Variants in RIGI observed in about 807,000 individuals in gnomAD.
RIGI encodes the protein RNA sensor RIG-I, also known as antiviral innate immune response receptor RIG-I.
chr9:32,467,808 G>T, the RIGI span: 1 of 1,608,732 alleles, frequency 6.2e-7, no homozygotes, highest in Non-Finnish European at 8.5e-7. Flanking sequence ...ACTCATAAAG[G>T]ATGACAAGAT....
At chr9:32,500,606 A>C in the RIGI span, among the ~76,000 whole-genome samples, 1 of 152,206 alleles carries the variant, frequency 6.6e-6, no homozygotes, top group African/African-American at 2.4e-5. Context: ...TAGTGACAAT[A>C]ATCTCTCTGC....
the RIGI span, among the ~76,000 whole-genome samples, chr9:32,515,919 T>C: frequency 1.3e-5 from 2 of 152,210 alleles, no homozygotes; most frequent in African/African-American, 2.4e-5. Flanking sequence ...TTTCCTCCTC[T>C]GCTCATCTCT....
At chr9:32,481,572 C>G in the RIGI span, 14 of 1,076,604 alleles carry the variant, frequency 1.3e-5, no homozygotes, top group Non-Finnish European at 1.8e-5. Flanking sequence ...AGGCCTCACC[C>G]TCTAATTTTC....
the RIGI span, among the ~76,000 whole-genome samples, chr9:32,462,634 C>T: frequency 6.6e-6 from 1 of 151,946 alleles, no homozygotes; most frequent in Admixed American, 6.5e-5. Flanking sequence ...GTCTTGAACT[C>T]CTGACCTCAG....
At chr9:32,478,041 G>GTTTTTTTTTTTTTTTTTTTTT in the RIGI span, among the ~76,000 whole-genome samples, 2 of 151,364 alleles carry the variant, frequency 1.3e-5, no homozygotes, top group African/African-American at 4.9e-5. Context: ...TGTTTTATCG[G>GTTTTTTTTTTTTTTTTTTTTT]TTTTTGTTTT....
At chr9:32,480,578 T>C in the RIGI span, among the ~76,000 whole-genome samples, 1 of 152,230 alleles carries the variant, frequency 6.6e-6, no homozygotes, top group Admixed American at 6.5e-5. Flanking sequence ...ACATTAATTA[T>C]CATCACTTTG....
At chr9:32,494,903 A>C in the RIGI span, among the ~76,000 whole-genome samples, 8 of 151,794 alleles carry the variant, frequency 5.3e-5, no homozygotes, top group African/African-American at 1.9e-4. Flanking sequence ...TGTATATCAC[A>C]TTTTGTTGAT....
At chr9:32,512,469 A>G in the RIGI span, among the ~76,000 whole-genome samples, 12 of 152,228 alleles carry the variant, frequency 7.9e-5, no homozygotes, top group Non-Finnish European at 1.3e-4. Context: ...GACAAAAACC[A>G]CATGATTATC....
chr9:32,509,954 T>C, the RIGI span, among the ~76,000 whole-genome samples: 2 of 151,344 alleles, frequency 1.3e-5, no homozygotes. Flanking sequence ...CAACTATCAA[T>C]AGCTGAATCA....
chr9:32,488,065 G>A, the RIGI span: 3 of 1,614,088 alleles, frequency 1.9e-6, no homozygotes, highest in South Asian at 2.2e-5. Context: ...AAGTAAAGAT[G>A]GATAGTGATG....
the RIGI span, among the ~76,000 whole-genome samples, chr9:32,484,992 AAAAGG>A: frequency 1.3e-5 from 2 of 152,338 alleles, no homozygotes; most frequent in East Asian, 3.9e-4. Flanking sequence ...TAAAAGGAAA[AAAAGG>A]AAGAAAGAAA....
At chr9:32,525,149 T>C in the RIGI span, among the ~76,000 whole-genome samples, 6 of 152,190 alleles carry the variant, frequency 3.9e-5, no homozygotes, top group South Asian at 2.1e-4. Context: ...GCTATCTCTT[T>C]TGCCTAATAA....
chr9:32,517,110 T>C, the RIGI span, among the ~76,000 whole-genome samples: 1 of 152,230 alleles, frequency 6.6e-6, no homozygotes, highest in African/African-American at 2.4e-5. Context: ...GCCGCTGTTT[T>C]AAGCAGGGTT....
chr9:32,492,950 T>C, the RIGI span, among the ~76,000 whole-genome samples: 5 of 152,326 alleles, frequency 3.3e-5, no homozygotes, highest in African/African-American at 1.2e-4. Context: ...CCATAATAAC[T>C]AAAGTTTATT....
the RIGI span, among the ~76,000 whole-genome samples, chr9:32,515,398 C>T: frequency 4.3e-4 from 65 of 151,180 alleles, no homozygotes; most frequent in Middle Eastern, 3.6e-3. Context: ...ATATGAAAAT[C>T]CTACTAATGT....
chr9:32,472,758 T>C, the RIGI span, among the ~76,000 whole-genome samples: 1 of 152,238 alleles, frequency 6.6e-6, no homozygotes, highest in Non-Finnish European at 1.5e-5. Flanking sequence ...TGGACACATA[T>C]ACAACACACA....
chr9:32,510,603 AG>A, the RIGI span, among the ~76,000 whole-genome samples: 2 of 152,232 alleles, frequency 1.3e-5, no homozygotes, highest in Admixed American at 6.5e-5. Flanking sequence ...AAATATGGAA[AG>A]GAAAACTGGT....
the RIGI span, among the ~76,000 whole-genome samples, chr9:32,471,590 G>A: frequency 2.5e-4 from 38 of 152,230 alleles, no homozygotes; most frequent in Non-Finnish European, 4.7e-4. Flanking sequence ...TGCGAATGTG[G>A]AAGAAGGAGC....
At chr9:32,523,219 G>A in the RIGI span, among the ~76,000 whole-genome samples, 1 of 152,144 alleles carries the variant, frequency 6.6e-6, no homozygotes, top group Non-Finnish European at 1.5e-5. Flanking sequence ...TTGGCTTTAT[G>A]TGCAGCCAGC....
Sources: gnomAD v4.1 joint callset for allele counts (sites outside exome capture counted in the v4.1 genomes callset) on GRCh38, gnomAD v4.1.1 for gene constraint, MANE v1.5 for transcripts, NCBI Gene and HGNC (gene_info 2026-07-23, HGNC 2026-07-21) for gene names.